The following ACSL5 variants were observed in gnomAD, a reference collection of about 807,000 sequenced individuals.
ACSL5 encodes acyl-CoA synthetase long chain family member 5.
A neutral mutation model predicts 84.9 loss-of-function variants in ACSL5; 50 were observed. That is an observed-to-expected ratio of 0.59 (90% CI 0.47 to 0.75). The LOEUF is 0.75. ACSL5 is among the 30% of genes least tolerant of loss of function. ACSL5 has a pLI of 0.00. For missense variants in ACSL5, 775 were observed against 830.4 expected, an observed-to-expected ratio of 0.93 and a Z score of 0.82; for synonymous variants, 280 against 300.7, an observed-to-expected ratio of 0.93 and a Z score of 0.71.
chr10:112,427,514 G>T lies in ACSL5; in HGVS notation c.*156G>T, dbSNP rs566062494. 6.8e-6 allele frequency: 4 copies of T among 589,596 alleles called. No individual in the cohort carries two copies. The highest frequency in any genetic ancestry group is 8.0e-6 in the Non-Finnish European group (3 of 375,542). The allele number at this position is 589,596 out of a possible 1,614,324, so 36.5% of individuals were successfully genotyped here. ...TTTGTTTTATATTGAGACATATAAT[G>T]TGTAAACTTAGTTCCCAAATAAATC... On this transcript the variant is annotated 3_prime_UTR_variant, in exon 21 of 21. Coordinates refer to ENST00000354655, the MANE Select transcript of ACSL5 (RefSeq NM_203379.2).
chr10:112,426,862 G>A lies in ACSL5; in HGVS notation c.1911+3G>A, dbSNP rs1187721907. 4.3e-6 allele frequency: 7 copies of A among 1,609,618 alleles called. No individual in the cohort carries two copies. In the South Asian group the frequency reaches 4.4e-5, roughly 10 times the overall value. ...GTGGCCTTAAAACTTTTGAACAGGT[G>A]TGTGCTACCACTGATGTTATACTGG... is the stretch of plus-strand genomic sequence containing the variant. On this transcript the variant is annotated splice_donor_region_variant and intron_variant, in intron 20 of 20. Transcript: ENST00000354655.
At chr10:112,409,418 G>A (rs1844124501) in intron 6 of ACSL5, 89 bp from the exon 7 acceptor site, 2 of 1,272,436 alleles carry the variant, frequency 1.6e-6, no homozygotes, top group African/African-American at 3.0e-5. Flanking sequence ...TGTTAGCTTT[G>A]AAAACTTTTA....
At chr10:112,390,732 G>A (rs1849544699) in intron 1 of ACSL5, among the ~76,000 whole-genome samples, 1 of 152,048 alleles carries the variant, frequency 6.6e-6, no homozygotes, top group South Asian at 2.1e-4. Flanking sequence ...GGATAACATT[G>A]AGCCATAAAA....
At chr10:112,401,536 C>T (rs1241969829) in intron 3 of ACSL5, among the ~76,000 whole-genome samples, 1 of 152,222 alleles carries the variant, frequency 6.6e-6, no homozygotes, top group African/African-American at 2.4e-5. Context: ...TAGAACAGAA[C>T]AGGTCTGAGT....
Position 112,394,944 on chromosome 10 carries a change from A to C in ACSL5, c.-3A>C, listed in dbSNP as rs568856445. 1.2e-6 allele frequency: 2 copies of C among 1,613,358 alleles called. No individual in the cohort carries two copies. Among genetic ancestry groups the C allele is most frequent in the South Asian group, 2.2e-5 (2 of 91,054 alleles). Reference sequence around the variant, plus strand: ...TCTGAATTTCCTGCTGCTGTTCACAAAGATGCTTTTTATCTTTAACTTTTT... The same window carrying C: ...TCTGAATTTCCTGCTGCTGTTCACACAGATGCTTTTTATCTTTAACTTTTT... On this transcript the variant is annotated 5_prime_UTR_variant, in exon 2 of 21. Transcript: ENST00000354655.
At chr10:112,402,747 T>C (rs1376219688) in intron 3 of ACSL5, among the ~76,000 whole-genome samples, 2 of 152,174 alleles carry the variant, frequency 1.3e-5, no homozygotes, top group African/African-American at 2.4e-5. Flanking sequence ...TAACTCTCTT[T>C]CTGAATAATT....
chr10:112,376,008 T>C (rs1330604857), intron 1 of ACSL5, among the ~76,000 whole-genome samples: 1 of 152,160 alleles, frequency 6.6e-6, no homozygotes, highest in East Asian at 1.9e-4. Flanking sequence ...CATTTTAGTT[T>C]GTTTGTTTTC....
intron 12 of ACSL5, among the ~76,000 whole-genome samples, chr10:112,413,773 A>C (rs1844244672): frequency 1.3e-5 from 2 of 152,052 alleles, no homozygotes; most frequent in South Asian, 4.2e-4. Flanking sequence ...AATAAGTGCA[A>C]TCCCCTTTTC....
chr10:112,379,519 G>A (rs1279868824), intron 1 of ACSL5, among the ~76,000 whole-genome samples: 3 of 152,054 alleles, frequency 2.0e-5, no homozygotes, highest in Non-Finnish European at 2.9e-5. Flanking sequence ...GGGACATCTC[G>A]TAATAGAACA....
In ACSL5 at chr10:112,417,027, G is replaced by A; in HGVS notation, c.1218+5G>A. The A allele has an allele frequency of 1.2e-6, 2 of 1,613,376 alleles. No individual in the cohort carries two copies. Among genetic ancestry groups the A allele is most frequent in the Non-Finnish European group, 1.7e-6 (2 of 1,179,496 alleles). On this transcript the variant is annotated splice_donor_5th_base_variant and intron_variant, in intron 13 of 20. Transcript: ENST00000354655. The stretch of plus-strand genomic sequence containing the variant: ...CTCATCTTTGCAAAGATCCAGGTAG[G>A]TTGGGCAGGTCCTGGACTGAAGCAG...
chr10:112,416,069 GGT>G (rs1844306414), intron 12 of ACSL5, among the ~76,000 whole-genome samples: 2 of 152,092 alleles, frequency 1.3e-5, no homozygotes, highest in Admixed American at 1.3e-4. Context: ...GGGTTTGTAT[GGT>G]GTGGCTAAAG....
At chr10:112,410,014 G>C (rs1844142421) in intron 7 of ACSL5, 2 of 270,892 alleles carry the variant, frequency 7.4e-6, no homozygotes, top group Non-Finnish European at 1.1e-5. Flanking sequence ...GGCAACCTTG[G>C]GCAATCTCAT....
chr10:112,413,747 T>A (rs1844243688), intron 12 of ACSL5, among the ~76,000 whole-genome samples: 1 of 151,786 alleles, frequency 6.6e-6, no homozygotes, highest in East Asian at 1.9e-4. Context: ...AAAATAAAAT[T>A]AAAAAATGAA....
intron 12 of ACSL5, among the ~76,000 whole-genome samples, chr10:112,413,693 C>A (rs1372480796): frequency 6.6e-6 from 1 of 151,986 alleles, no homozygotes; most frequent in Non-Finnish European, 1.5e-5. Flanking sequence ...CCACTGCACT[C>A]CAGCCTGGGC....
At chr10:112,414,352 C>CT (rs34464188) in intron 12 of ACSL5, among the ~76,000 whole-genome samples, 2,633 of 85,542 alleles carry the variant, frequency 0.031, 134 homozygotes, top group South Asian at 0.052. Context: ...TTCAGTGATT[C>CT]TTTTTTTTTT....
At chr10:112,426,083 G>C (rs1009249341) in intron 18 of ACSL5, among the ~76,000 whole-genome samples, 175 bp from the exon 19 acceptor site, 1 of 58,512 alleles carries the variant, frequency 1.7e-5, no homozygotes, top group Non-Finnish European at 3.3e-5. Context: ...GTGGGAAAAT[G>C]GGATTACAGT....
At chr10:112,422,724 C>T (rs747318781) in intron 17 of ACSL5, among the ~76,000 whole-genome samples, 25 of 151,598 alleles carry the variant, frequency 1.6e-4, no homozygotes, top group Non-Finnish European at 2.8e-4. Context: ...GGCATGGTAA[C>T]GGGCACCTGT....
At chr10:112,375,061 A>G (rs1049222698) in intron 1 of ACSL5, among the ~76,000 whole-genome samples, 1 of 146,006 alleles carries the variant, frequency 6.8e-6, no homozygotes, top group African/African-American at 2.6e-5. Context: ...ATAAAAAAAA[A>G]AGAAATAAAA....
In ACSL5 at chr10:112,379,007, GA is replaced by G. The variant is rs372871987; in HGVS notation, c.-30+4739del. Among the ~76,000 whole-genome samples, 213 of 152,336 alleles carry G rather than the reference GA, an allele frequency of 1.4e-3. 1 individual carries two copies. Among genetic ancestry groups the G allele is most frequent in the African/African-American group, 5.0e-3 (208 of 41,570 alleles). On this transcript the variant is annotated intron_variant, in intron 1 of 20. Transcript: ENST00000354655. ...TGGGCCATTCTATTCTAAGAGTTGT[GA>G]GGTTGCGAGTGGCTCAAGTTGAGGA...
Sources: gnomAD v4.1 joint callset for allele counts (sites outside exome capture counted in the v4.1 genomes callset) on GRCh38, gnomAD v4.1.1 for gene constraint, MANE v1.5 for transcripts, NCBI Gene and HGNC (gene_info 2026-07-23, HGNC 2026-07-21) for gene names.